The following TMC7 variants were observed in gnomAD, a reference collection of about 807,000 sequenced individuals.
The protein encoded by TMC7 is transmembrane channel-like protein 7.
Under a neutral mutation model 82.9 loss-of-function variants are expected in TMC7, and 54 were observed. That is an observed-to-expected ratio of 0.65 (90% confidence interval 0.52 to 0.82). The LOEUF is 0.82. Among genes scored for constraint, TMC7 ranks in the 40% least tolerant of loss-of-function variants. TMC7 has a pLI of 0.00. For synonymous variants in TMC7, 350 were observed against 337.9 expected (o/e 1.04, Z -0.39); for missense variants, 820 against 901.2 (o/e 0.91, Z 1.15).
intron 1 of TMC7, among the ~76,000 whole-genome samples, chr16:18,996,965 T>C (rs2039053893): frequency 6.6e-6 from 1 of 152,186 alleles, no homozygotes; most frequent in Non-Finnish European, 1.5e-5. Flanking sequence ...CTCTTTTGTC[T>C]CTATTAGAGA....
At chr16:19,001,582 T>C (rs978918366) in intron 1 of TMC7, among the ~76,000 whole-genome samples, 26 of 152,132 alleles carry the variant, frequency 1.7e-4, no homozygotes, top group Non-Finnish European at 3.2e-4. Context: ...CTCAGGAGCC[T>C]GAGGCGAGGA....
intron 5 of TMC7, 92 bp from the exon 6 acceptor site, chr16:19,030,132 C>CAGAG: frequency 7.4e-7 from 1 of 1,346,852 alleles, no homozygotes; most frequent in Non-Finnish European, 1.0e-6. Context: ...AAAGGGGACA[C>CAGAG]TGGAACTTGT....
At chr16:19,023,398 G>C (rs931324761) in intron 5 of TMC7, among the ~76,000 whole-genome samples, 48 of 152,098 alleles carry the variant, frequency 3.2e-4, no homozygotes, top group Non-Finnish European at 8.8e-5. Flanking sequence ...CAGGAAATAT[G>C]CTTTATCACT....
chr16:19,023,717 G>A (rs1180103075), intron 5 of TMC7, among the ~76,000 whole-genome samples: 1 of 152,194 alleles, frequency 6.6e-6, no homozygotes, highest in Admixed American at 6.5e-5. Context: ...AAAGTACTGG[G>A]GTTATAGGCG....
chr16:19,051,727 C>T lies in TMC7; in HGVS notation c.1782C>T (p.Phe594=), dbSNP rs752859089. 1.9e-6 allele frequency: 3 copies of T among 1,614,096 alleles called. No individual in the cohort carries two copies. Among genetic ancestry groups the T allele is most frequent in the South Asian group, 1.1e-5 (1 of 91,072 alleles). Reference sequence around the variant, plus strand: ...CCTGCAGACCCTCCCCCAGGCCGTTCAGAGCATCCAATTCTAATTTCTTCT... The same window carrying T: ...CCTGCAGACCCTCCCCCAGGCCGTTTAGAGCATCCAATTCTAATTTCTTCT... ...LYTCRPSPRP[F]RASNSNFFFL... is the part of the protein sequence containing the mutation. Residue 594 remains phenylalanine (F), a synonymous_variant, in exon 13 of 16, where the codon TTC becomes TTT. Transcript: ENST00000304381.
chr16:19,041,662 G>A (rs1054663522), intron 9 of TMC7, among the ~76,000 whole-genome samples: 3 of 152,088 alleles, frequency 2.0e-5, no homozygotes, highest in East Asian at 1.9e-4. Flanking sequence ...GTGAGCCACC[G>A]TGCCCAGCCA....
At chr16:19,040,264 C>T in intron 8 of TMC7, 25 bp from the exon 9 acceptor site, 2 of 1,605,118 alleles carry the variant, frequency 1.2e-6, no homozygotes, top group Non-Finnish European at 1.7e-6. Context: ...ATACTCCTGA[C>T]TAATAAGTTT....
At chr16:19,027,996 C>T (rs1960315242) in intron 5 of TMC7, among the ~76,000 whole-genome samples, 1 of 152,120 alleles carries the variant, frequency 6.6e-6, no homozygotes, top group South Asian at 2.1e-4. Context: ...GACCGCTGAC[C>T]TTTCTCTGTG....
At chr16:19,047,376 T>C (rs1446438122) in intron 12 of TMC7, 127 bp downstream of exon 12, 2 of 819,996 alleles carry the variant, frequency 2.4e-6, no homozygotes, top group African/African-American at 1.8e-5. Flanking sequence ...ATTTAAAATA[T>C]ATGTTTATTC....
intron 5 of TMC7, 76 bp downstream of exon 5, chr16:19,023,271 A>G (rs1163363937): frequency 2.0e-6 from 2 of 979,742 alleles, no homozygotes; most frequent in East Asian, 2.6e-5. Flanking sequence ...CAGTTTCCCA[A>G]ATTTCTGCAG....
chr16:19,051,031 C>T (rs1961513359), intron 12 of TMC7, among the ~76,000 whole-genome samples: 1 of 152,124 alleles, frequency 6.6e-6, no homozygotes, highest in South Asian at 2.1e-4. Flanking sequence ...GAATTACAGA[C>T]GTGAGATGTC....
intron 15 of TMC7, among the ~76,000 whole-genome samples, 191 bp from the exon 16 acceptor site, chr16:19,061,587 A>G (rs1309081716): frequency 6.6e-6 from 1 of 152,204 alleles, no homozygotes; most frequent in Non-Finnish European, 1.5e-5. Flanking sequence ...GTCCAGCTGT[A>G]CTGTGCATTT....
intron 11 of TMC7, 72 bp from the exon 12 acceptor site, chr16:19,046,991 C>A: frequency 1.5e-6 from 2 of 1,333,654 alleles, no homozygotes; most frequent in Non-Finnish European, 1.0e-6. Flanking sequence ...TGGAAATAGT[C>A]CTGATCTTTG....
intron 1 of TMC7, among the ~76,000 whole-genome samples, chr16:18,993,063 G>T (rs1212512459): frequency 6.6e-6 from 1 of 152,154 alleles, no homozygotes; most frequent in Admixed American, 6.6e-5. Flanking sequence ...TTGAAAGCCA[G>T]CAATTGTTTC....
At chr16:18,990,090 C>T (rs1479445062) in intron 1 of TMC7, among the ~76,000 whole-genome samples, 2 of 151,998 alleles carry the variant, frequency 1.3e-5, no homozygotes, top group Admixed American at 1.3e-4. Flanking sequence ...TCACAAAGTA[C>T]ATTCTCAAGG....
intron 1 of TMC7, among the ~76,000 whole-genome samples, chr16:18,994,228 G>T (rs2038999531): frequency 6.6e-6 from 1 of 152,100 alleles, no homozygotes; most frequent in Admixed American, 6.6e-5. Flanking sequence ...AAAGTTATGA[G>T]AACTGTAGAG....
intron 3 of TMC7, among the ~76,000 whole-genome samples, chr16:19,018,933 C>T (rs1326768908): frequency 6.6e-6 from 1 of 152,218 alleles, no homozygotes. Context: ...TCACTGCAAC[C>T]TCCGCCTCAC....
intron 3 of TMC7, among the ~76,000 whole-genome samples, chr16:19,017,547 T>C (rs8051547): frequency 0.87 from 132,452 of 151,808 alleles, 59,082 homozygotes; most frequent in Non-Finnish European, 0.96. Flanking sequence ...CCCAGCCAGG[T>C]GGTGGTTCAT....
intron 2 of TMC7, among the ~76,000 whole-genome samples, chr16:19,013,469 G>C (rs554320400): frequency 1.3e-5 from 2 of 151,994 alleles, no homozygotes; most frequent in Non-Finnish European, 2.9e-5. Flanking sequence ...CGCCTGCCTC[G>C]GCCTCCCAAA....
Sources: gnomAD v4.1 joint callset for allele counts (sites outside exome capture counted in the v4.1 genomes callset) on GRCh38, gnomAD v4.1.1 for gene constraint, MANE v1.5 for transcripts, NCBI Gene and HGNC (gene_info 2026-07-23, HGNC 2026-07-21) for gene names.